ZNF366: variants seen among roughly 807,000 people sequenced by gnomAD.
ZNF366 encodes the protein dendritic cell-specific transcript protein.
A neutral mutation model predicts 47.2 loss-of-function variants in ZNF366; 20 were observed. The observed-to-expected ratio is 0.42, with a 90% CI of 0.30 to 0.62. ZNF366 has a LOEUF of 0.62. ZNF366 is among the 20% of genes least tolerant of loss of function. ZNF366 has a pLI of 0.16. For synonymous variants in ZNF366, 421 were observed against 395.1 expected (o/e 1.07, Z -0.78); for missense variants, 987 against 976.3 (o/e 1.01, Z -0.15).
Position 72,443,234 on chromosome 5 carries a change from TTC to T in ZNF366, c.*520_*521del, listed in dbSNP as rs1339503722. Reference sequence around the variant, plus strand: ...TATCTGCAGCAACTACTGGAGAGCATTCTCTTCAATAGCTCATCCTCCTGTGC... The same window carrying T: ...TATCTGCAGCAACTACTGGAGAGCATTCTTCAATAGCTCATCCTCCTGTGC... On this transcript the variant is annotated 3_prime_UTR_variant, in exon 5 of 5. Coordinates refer to ENST00000318442, the MANE Select transcript of ZNF366 (RefSeq NM_152625.3). The T allele has an allele frequency of 1.3e-5, 2 of 152,594 alleles. No homozygotes were observed. The highest frequency in any genetic ancestry group is 2.9e-5 in the Non-Finnish European group (2 of 68,316). 9.5% of individuals were successfully genotyped at this position (152,594 alleles called of 1,614,324 possible).
chr5:72,461,549 T>TA, intron 1 of ZNF366, 39 bp from the exon 2 acceptor site: 1 of 1,513,908 alleles, frequency 6.6e-7, no homozygotes, highest in Non-Finnish European at 8.8e-7. Context: ...TGGTTTGGTT[T>TA]TGTTTAAAAT....
intron 1 of ZNF366, among the ~76,000 whole-genome samples, chr5:72,462,547 C>CTTTCTTTCTTTCTTTCTT (rs11275151): frequency 6.8e-4 from 54 of 78,924 alleles, no homozygotes; most frequent in African/African-American, 1.3e-3. Flanking sequence ...TTCTTTCTTT[C>CTTTCTTTCTTTCTTTCTT]TTTTTTTTTT....
At chr5:72,467,865 A>G (rs954834373) in intron 1 of ZNF366, among the ~76,000 whole-genome samples, 1 of 152,132 alleles carries the variant, frequency 6.6e-6, no homozygotes, top group Admixed American at 6.6e-5. Flanking sequence ...GGAAGCAGGG[A>G]AAAGGTGAGA....
chr5:72,469,502 A>G (rs930313471), intron 1 of ZNF366, among the ~76,000 whole-genome samples: 5 of 152,218 alleles, frequency 3.3e-5, no homozygotes, highest in African/African-American at 9.6e-5. Flanking sequence ...AATGTGTCCA[A>G]TGATATTCAT....
intron 1 of ZNF366, among the ~76,000 whole-genome samples, chr5:72,473,929 C>T (rs962273221): frequency 1.3e-5 from 2 of 152,150 alleles, no homozygotes; most frequent in African/African-American, 4.8e-5. Context: ...CTATGCATTG[C>T]TATATCTGCC....
At chr5:72,448,333 A>G (rs1742999972) in intron 3 of ZNF366, among the ~76,000 whole-genome samples, 1 of 152,192 alleles carries the variant, frequency 6.6e-6, no homozygotes, top group South Asian at 2.1e-4. Flanking sequence ...GTGCAAATAC[A>G]TGAAGGACAA....
At chr5:72,495,444 C>G (rs527799775) in intron 1 of ZNF366, among the ~76,000 whole-genome samples, 3 of 152,138 alleles carry the variant, frequency 2.0e-5, no homozygotes, top group African/African-American at 7.2e-5. Flanking sequence ...CAAGCAGCTG[C>G]CCCTAGGACG....
intron 3 of ZNF366, among the ~76,000 whole-genome samples, chr5:72,454,283 G>A (rs997882141): frequency 6.6e-6 from 1 of 152,202 alleles, no homozygotes; most frequent in Non-Finnish European, 1.5e-5. Context: ...TGAACATCAA[G>A]CTGGGATTGC....
rs1742899526 is a variant in ZNF366, at chr5:72,443,650, G to C, written c.*106C>G. 5 of 1,228,806 alleles carry C rather than the reference G, an allele frequency of 4.1e-6. No homozygotes were observed. The Admixed American group carries it at 7.6e-5, about 19-fold the overall frequency. 76.1% of individuals were successfully genotyped at this position (1,228,806 alleles called of 1,614,324 possible). The stretch of plus-strand genomic sequence containing the variant: ...GCTCATTTAGTCTAAGCCATTTGTA[G>C]AGATTGGTACTATTCGCCAGTCTCC... On this transcript the variant is annotated 3_prime_UTR_variant, in exon 5 of 5. Transcript: ENST00000318442.
intron 1 of ZNF366, among the ~76,000 whole-genome samples, chr5:72,496,294 C>A (rs1374207693): frequency 6.6e-6 from 1 of 152,154 alleles, no homozygotes; most frequent in Non-Finnish European, 1.5e-5. Flanking sequence ...CCACCCCTGG[C>A]CCCAGGAAAC....
Position 72,460,692 on chromosome 5 carries a change from C to A in ZNF366, c.805G>T (p.Val269Phe), listed in dbSNP as rs142021145. Residue 269 changes from valine to phenylalanine, a missense_variant, in exon 2 of 5, where the codon GTC becomes TTC. This residue lies in a region of ZNF366 where 591 missense variants were observed against 560.9 expected (regional missense o/e 1.05). Transcript: ENST00000318442. ...EKSYTSKYNL[V>F]THILGHSGIK... is the part of the protein sequence containing the mutation. ...CCACTGTGGCCCAGGATGTGGGTGA[C>A]CAGGTTGTACTTGGAGGTGTAGGAC... 4,015 of 1,614,214 alleles carry A rather than the reference C, an allele frequency of 2.5e-3. 9 individuals are homozygous for A. Among genetic ancestry groups the A allele is most frequent in the Non-Finnish European group, 3.0e-3 (3,548 of 1,180,036 alleles).
intron 1 of ZNF366, among the ~76,000 whole-genome samples, chr5:72,481,522 C>T (rs1390721957): frequency 6.6e-6 from 1 of 152,110 alleles, no homozygotes; most frequent in Non-Finnish European, 1.5e-5. Context: ...TCTATCATTT[C>T]CTTAGATTAG....
Position 72,461,447 on chromosome 5 carries a change from A to G in ZNF366, c.50T>C (p.Leu17Ser). 1 of 1,598,772 alleles carries G rather than the reference A, an allele frequency of 6.3e-7. No individual in the cohort carries two copies. The highest frequency in any genetic ancestry group is 8.5e-7 in the Non-Finnish European group (1 of 1,169,692). Reference sequence around the variant, plus strand: ...AAAGGAGGGGGTCTTCTTCACAGCCAAGTCGAAATGCACATCCTCGTCTTT... The same window carrying G: ...AAAGGAGGGGGTCTTCTTCACAGCCGAGTCGAAATGCACATCCTCGTCTTT... The part of the protein sequence containing the change: ...MIKDEDVHFD[L>S]AVKKTPSFPH... Residue 17 changes from leucine (L) to serine (S), a missense_variant, in exon 2 of 5, where the codon TTG becomes TCG. Physicochemically the swap from Leu to Ser is moderately radical, Grantham distance 145. Around this residue, in one of 3 missense-constraint regions of ZNF366, gnomAD observed 591 missense variants for 560.9 expected, o/e 1.05. Coordinates refer to ENST00000318442, the MANE Select transcript of ZNF366 (RefSeq NM_152625.3).
intron 1 of ZNF366, among the ~76,000 whole-genome samples, chr5:72,463,961 G>T (rs756604554): frequency 2.3e-4 from 35 of 152,188 alleles, no homozygotes; most frequent in Non-Finnish European, 3.7e-4. Context: ...AACACAGTCG[G>T]TTTATAACCC....
At chr5:72,500,014 TC>T (rs758822661) in intron 1 of ZNF366, among the ~76,000 whole-genome samples, 1 of 152,018 alleles carries the variant, frequency 6.6e-6, no homozygotes, top group Non-Finnish European at 1.5e-5. Context: ...GAACGGTGAG[TC>T]CCCAGTGCAA....
chr5:72,480,341 C>T (rs1743766954), intron 1 of ZNF366, among the ~76,000 whole-genome samples: 1 of 152,146 alleles, frequency 6.6e-6, no homozygotes, highest in African/African-American at 2.4e-5. Flanking sequence ...GAAGGTTTGG[C>T]AAAAGAAAGA....
At chr5:72,479,226 A>G (rs1427513554) in intron 1 of ZNF366, among the ~76,000 whole-genome samples, 1 of 152,174 alleles carries the variant, frequency 6.6e-6, no homozygotes, top group Non-Finnish European at 1.5e-5. Flanking sequence ...ACCTCTGGCT[A>G]AAAGTCAGAA....
At chr5:72,486,023 G>A (rs918629223) in intron 1 of ZNF366, among the ~76,000 whole-genome samples, 33 of 152,276 alleles carry the variant, frequency 2.2e-4, no homozygotes, top group African/African-American at 7.2e-4. Context: ...CAAGCACTCC[G>A]TATTCTCTCT....
Position 72,461,321 on chromosome 5 carries a change from G to T in ZNF366, c.176C>A (p.Pro59His). 6.2e-7 allele frequency: 1 copy of T among 1,614,080 alleles called. No individual in the cohort carries two copies. The highest frequency in any genetic ancestry group is 8.5e-7 in the Non-Finnish European group (1 of 1,180,024). Residue 59 changes from proline (P) to histidine (H), a missense_variant, in exon 2 of 5, where the codon CCT becomes CAT. By Grantham distance (77) the Pro-to-His change is moderately conservative. Coordinates refer to ENST00000318442, the MANE Select transcript of ZNF366 (RefSeq NM_152625.3). ...RGPFSQFRYE[P>H]PPGDLDGFPG... is the part of the protein sequence containing the mutation. Reference sequence around the variant, plus strand: ...GAACCCATCTAGGTCTCCTGGGGGAGGTTCATACCGAAACTGGGAAAATGG... The same window carrying T: ...GAACCCATCTAGGTCTCCTGGGGGATGTTCATACCGAAACTGGGAAAATGG...
Sources: gnomAD v4.1 joint callset for allele counts (sites outside exome capture counted in the v4.1 genomes callset) on GRCh38, gnomAD v4.1.1 for gene constraint, gnomAD v4.1.1 regional missense constraint, MANE v1.5 for transcripts, NCBI Gene and HGNC (gene_info 2026-07-23, HGNC 2026-07-21) for gene names.